UVSSA: variants seen among roughly 807,000 people sequenced by gnomAD.
UVSSA encodes UV stimulated scaffold protein A.
Under a neutral mutation model 73.9 loss-of-function variants are expected in UVSSA, and 72 were observed. The ratio of observed to expected loss-of-function variants is 0.97; its 90% CI spans 0.81 to 1.19. The LOEUF (loss-of-function observed/expected upper bound fraction) is 1.19, where lower values mean the gene tolerates loss of function less well. Among genes scored for constraint, UVSSA ranks in the 50% most tolerant of loss-of-function variants. The probability of loss-of-function intolerance (pLI) is 0.00; values close to 1 mark genes in which losing one functional copy is unlikely to be tolerated. For missense variants in UVSSA, 1,150 were observed against 965.0 expected (o/e 1.19, Z -2.54); for synonymous variants, 454 against 391.3 (o/e 1.16, Z -1.89).
chr4:1,390,445 A>G (rs1307336476), downstream of UVSSA: 2 of 152,122 alleles, frequency 1.3e-5, no homozygotes, highest in Admixed American at 1.3e-4. Flanking sequence ...AAGCCTGGCT[A>G]AATTTTTAAA....
rs978312898 is a variant in UVSSA, at chr4:1,387,437, C to G, written c.*1476C>G. On this transcript the variant is annotated 3_prime_UTR_variant, in exon 14 of 14. Coordinates refer to ENST00000389851, the MANE Select transcript of UVSSA (RefSeq NM_020894.4). Reference sequence around the variant, plus strand: ...TTTCTGGATAGTGTCCTCTGAAGCACAAAAGTTAATTTTGATGAAGTACAG... The same window carrying G: ...TTTCTGGATAGTGTCCTCTGAAGCAGAAAAGTTAATTTTGATGAAGTACAG... The G allele has an allele frequency of 2.0e-5, 3 of 152,224 alleles. No homozygotes were observed. Among genetic ancestry groups the G allele is most frequent in the Admixed American group, 2.0e-4 (3 of 15,278 alleles). 9.4% of individuals were successfully genotyped at this position (152,224 alleles called of 1,614,324 possible).
chr4:1,353,396 A>G lies in UVSSA; in HGVS notation c.917A>G (p.Asp306Gly), dbSNP rs1476161464. The G allele has an allele frequency of 6.3e-7, 1 of 1,575,764 alleles. No homozygotes were observed. Among genetic ancestry groups the G allele is most frequent in the Non-Finnish European group, 8.6e-7 (1 of 1,160,410 alleles). Residue 306 changes from aspartate (D) to glycine (G), a missense_variant, in exon 5 of 14, where the codon GAT becomes GGT. By Grantham distance (94) the Asp-to-Gly change is moderately conservative. Transcript: ENST00000389851. Reference protein sequence around the residue: ...HGLGSHKYTLDVELCSEGLKV... With the variant: ...HGLGSHKYTLGVELCSEGLKV... ...CTGGGCTCGCACAAGTACACGCTGG[A>G]TGTGGAGCTCTGCTCAGGTAACTGC...
intron 10 of UVSSA, 113 bp from the exon 11 acceptor site, chr4:1,379,934 T>G: frequency 7.8e-7 from 1 of 1,285,798 alleles, no homozygotes; most frequent in Non-Finnish European, 1.1e-6. Context: ...GTCCACAGTG[T>G]TGGGGTGGCT....
At chr4:1,372,162 T>C (rs1407747136) in intron 8 of UVSSA, among the ~76,000 whole-genome samples, 1 of 152,230 alleles carries the variant, frequency 6.6e-6, no homozygotes, top group Non-Finnish European at 1.5e-5. Flanking sequence ...GTAAATCTTT[T>C]TTCGTCCCTT....
chr4:1,366,582 G>A (rs1291167248), intron 8 of UVSSA, 151 bp downstream of exon 8: 9 of 578,834 alleles, frequency 1.6e-5, no homozygotes, highest in Non-Finnish European at 2.7e-5. Flanking sequence ...TCCTGCTCAC[G>A]GTCGTAGCCA....
chr4:1,378,519 C>T (rs1719048939), intron 10 of UVSSA, among the ~76,000 whole-genome samples: 1 of 152,196 alleles, frequency 6.6e-6, no homozygotes, highest in African/African-American at 2.4e-5. Context: ...CCATCACACT[C>T]CAGCCTGGGC....
At chr4:1,353,733 A>C (rs1715182273) in intron 5 of UVSSA, among the ~76,000 whole-genome samples, 2 of 152,146 alleles carry the variant, frequency 1.3e-5, no homozygotes, top group Admixed American at 6.5e-5. Context: ...TCAAAGGATG[A>C]GGGAGCACAG....
At chr4:1,354,709 T>A (rs761596810) in intron 5 of UVSSA, 26 bp from the exon 6 acceptor site, 21 of 1,604,822 alleles carry the variant, frequency 1.3e-5, no homozygotes, top group Middle Eastern at 3.3e-4. Context: ...GGCGCCCTCT[T>A]GTGACCTCTG....
chr4:1,394,240 T>C, exon 14 of UVSSA: 4 of 647,796 alleles, frequency 6.2e-6, no homozygotes, highest in Non-Finnish European at 7.6e-6. Flanking sequence ...CAGCGGCCAC[T>C]GTGGGCATCT....
At position 1,353,303 on chromosome 4, in the gene UVSSA, C is replaced by G. The variant is rs781383333; in HGVS notation, c.824C>G (p.Thr275Arg). 1 of 1,611,586 alleles carries G rather than the reference C, an allele frequency of 6.2e-7. No individual in the cohort carries two copies. Among genetic ancestry groups the G allele is most frequent in the Non-Finnish European group, 8.5e-7 (1 of 1,179,876 alleles). ...GGCGGCGGGGCACAGCCATCCCAGACAGCCACAGGTGACCCCTCAGATGAG... is the reference window on the plus strand; with the variant it reads ...GGCGGCGGGGCACAGCCATCCCAGAGAGCCACAGGTGACCCCTCAGATGAG... ...RAGGGAQPSQ[T>R]ATGDPSDEDE... The change falls in exon 5 of 14, where the codon ACA becomes AGA. Residue 275 changes from threonine to arginine, a missense_variant. Thr to Arg is a moderately conservative substitution (Grantham distance 71). Coordinates refer to ENST00000389851, the MANE Select transcript of UVSSA (RefSeq NM_020894.4).
chr4:1,372,655 CAT>C (rs1718203729), intron 8 of UVSSA, among the ~76,000 whole-genome samples: 1 of 130,866 alleles, frequency 7.6e-6, no homozygotes, highest in Non-Finnish European at 1.5e-5. Flanking sequence ...TTTACAAAGT[CAT>C]GTGCTCAGTG....
Position 1,351,846 on chromosome 4 carries a change from A to G in UVSSA, c.550+11A>G, listed in dbSNP as rs761121326. On this transcript the variant is annotated intron_variant, in intron 4 of 13. Transcript: ENST00000389851. ...AGAGGGAGATGCAAGGCAAGTGTCC[A>G]GGACGGAGGGAGGGGCCCACGCCTC... The G allele has an allele frequency of 1.9e-5, 30 of 1,612,154 alleles. No individual in the cohort carries two copies. The Admixed American group carries it at 4.3e-4, about 23-fold the overall frequency.
downstream of UVSSA, chr4:1,390,612 A>G (rs1362801148): frequency 1.3e-5 from 2 of 152,244 alleles, no homozygotes; most frequent in Non-Finnish European, 2.9e-5. Flanking sequence ...TCACTCCATT[A>G]TGGCTAAAAA....
At chr4:1,348,577 C>A (rs1203732114) in intron 2 of UVSSA, among the ~76,000 whole-genome samples, 1 of 152,216 alleles carries the variant, frequency 6.6e-6, no homozygotes, top group Non-Finnish European at 1.5e-5. Context: ...GGTATGTCCA[C>A]CTCTGTTCAC....
intron 12 of UVSSA, among the ~76,000 whole-genome samples, chr4:1,381,917 C>T (rs1182117720): frequency 6.6e-6 from 1 of 152,186 alleles, no homozygotes; most frequent in African/African-American, 2.4e-5. Context: ...TCCTGTCTCA[C>T]CTCCCAAAAT....
intron 7 of UVSSA, among the ~76,000 whole-genome samples, chr4:1,360,078 C>T (rs942113652): frequency 3.3e-5 from 5 of 152,226 alleles, no homozygotes; most frequent in African/African-American, 4.8e-5. Context: ...AACCTTGTAC[C>T]GCCCTAGGGC....
chr4:1,350,917 T>C lies in UVSSA; in HGVS notation c.430-798T>C, dbSNP rs549011282. ...TTTTTGTTGTTGTTGTTGATGATGT[T>C]GTTTTTGAGACAGGGTCTTGGTTTG... On this transcript the variant is annotated intron_variant, in intron 3 of 13. Coordinates refer to ENST00000389851, the MANE Select transcript of UVSSA (RefSeq NM_020894.4). Among the ~76,000 whole-genome samples, 140 of 152,288 alleles carry C rather than the reference T, an allele frequency of 9.2e-4. 1 individual carries two copies. Among genetic ancestry groups the C allele is most frequent in the African/African-American group, 3.3e-3 (138 of 41,558 alleles).
At chr4:1,370,193 T>C (rs1202059616) in intron 8 of UVSSA, among the ~76,000 whole-genome samples, 3 of 152,364 alleles carry the variant, frequency 2.0e-5, no homozygotes, top group Middle Eastern at 3.4e-3. Flanking sequence ...ATCTTTTGGC[T>C]GCGATTGTAT....
chr4:1,378,334 C>T (rs1181171851), intron 10 of UVSSA, among the ~76,000 whole-genome samples: 1 of 152,212 alleles, frequency 6.6e-6, no homozygotes, highest in Non-Finnish European at 1.5e-5. Flanking sequence ...AGGTGGATCA[C>T]TTGAGGCCAG....
Sources: gnomAD v4.1 joint callset for allele counts (sites outside exome capture counted in the v4.1 genomes callset) on GRCh38, gnomAD v4.1.1 for gene constraint, MANE v1.5 for transcripts, NCBI Gene and HGNC (gene_info 2026-07-23, HGNC 2026-07-21) for gene names.